Variants in PTPRD observed in about 807,000 individuals in gnomAD.
PTPRD encodes the protein receptor-type tyrosine-protein phosphatase delta.
In PTPRD, 34 loss-of-function variants were observed where a neutral mutation model predicts 214.5. The observed-to-expected ratio is 0.16, with a 90% confidence interval of 0.12 to 0.21. PTPRD has a LOEUF of 0.21. PTPRD is among the 10% of genes least tolerant of loss of function. The pLI, the probability that PTPRD is intolerant of heterozygous loss-of-function variation, is 1.00. For synonymous variants in PTPRD, 1,128 were observed against 845.7 expected (o/e 1.33, Z -5.79); for missense variants, 2,545 against 2,398.7 (o/e 1.06, Z -1.27).
intron 8 of PTPRD, among the ~76,000 whole-genome samples, chr9:9,472,956 T>C (rs2094731105): frequency 6.6e-6 from 1 of 152,202 alleles, no homozygotes; most frequent in Non-Finnish European, 1.5e-5. Flanking sequence ...CTCATATATT[T>C]ATTATTTCTT....
At chr9:8,735,438 T>C (rs771736206) in intron 11 of PTPRD, among the ~76,000 whole-genome samples, 14 of 152,034 alleles carry the variant, frequency 9.2e-5, no homozygotes, top group Admixed American at 2.0e-4. Flanking sequence ...GCCACCACTC[T>C]TGGCCTACCA....
intron 44 of PTPRD, among the ~76,000 whole-genome samples, chr9:8,326,146 C>T (rs1372515060): frequency 2.0e-5 from 3 of 152,204 alleles, no homozygotes; most frequent in Non-Finnish European, 2.9e-5. Context: ...CTCTCTTGTG[C>T]TACTTTTCAA....
chr9:10,452,083 G>C (rs188619433), intron 2 of PTPRD, among the ~76,000 whole-genome samples: 6 of 152,058 alleles, frequency 3.9e-5, no homozygotes, highest in African/African-American at 1.4e-4. Flanking sequence ...AGTAGAAGAA[G>C]CTTCAAGTTC....
chr9:10,113,322 G>T (rs1014960701), intron 3 of PTPRD, among the ~76,000 whole-genome samples: 2 of 152,292 alleles, frequency 1.3e-5, no homozygotes, highest in Non-Finnish European at 2.9e-5. Flanking sequence ...ACAGGGAAGT[G>T]AAGTACCTTT....
At chr9:9,458,097 T>G (rs2093265158) in intron 8 of PTPRD, among the ~76,000 whole-genome samples, 2 of 152,064 alleles carry the variant, frequency 1.3e-5, no homozygotes, top group African/African-American at 4.8e-5. Context: ...TTTAGAATGT[T>G]AAGAAAATAT....
At position 9,527,821 on chromosome 9, in the gene PTPRD, G is replaced by C. The variant is rs570297059; in HGVS notation, c.-237+46911C>G. On this transcript the variant is annotated intron_variant, in intron 8 of 45. Transcript: ENST00000381196. Reference sequence around the variant, plus strand: ...CTGTGTTTGTCCTTTTAGACTTGTTGCTAGATATTCTACCAACTCCGTAAA... The same window carrying C: ...CTGTGTTTGTCCTTTTAGACTTGTTCCTAGATATTCTACCAACTCCGTAAA... Among the ~76,000 whole-genome samples the C allele has an allele frequency of 2.6e-4, 39 of 152,162 alleles. 1 individual carries two copies. In the South Asian group the frequency reaches 8.1e-3, roughly 32 times the overall value.
At chr9:10,576,390 G>A (rs1270916556) in intron 2 of PTPRD, among the ~76,000 whole-genome samples, 1 of 152,070 alleles carries the variant, frequency 6.6e-6, no homozygotes, top group Non-Finnish European at 1.5e-5. Flanking sequence ...AACTCTGAGA[G>A]AGTTTAATAT....
chr9:9,897,094 A>T (rs1601372698), intron 5 of PTPRD, among the ~76,000 whole-genome samples: 1 of 149,912 alleles, frequency 6.7e-6, no homozygotes, highest in Non-Finnish European at 1.5e-5. Flanking sequence ...GGAAGTAAAC[A>T]CTTCCCTGTC....
chr9:9,905,057 C>G (rs534528730), intron 5 of PTPRD, among the ~76,000 whole-genome samples: 2 of 152,120 alleles, frequency 1.3e-5, no homozygotes, highest in South Asian at 2.1e-4. Flanking sequence ...TCATTGTGAT[C>G]TACTCAGTAG....
At chr9:10,121,589 A>C (rs2098775850) in intron 3 of PTPRD, among the ~76,000 whole-genome samples, 1 of 152,202 alleles carries the variant, frequency 6.6e-6, no homozygotes, top group Admixed American at 6.5e-5. Context: ...CATCGTTAAG[A>C]GTTAAGTCTA....
intron 4 of PTPRD, among the ~76,000 whole-genome samples, chr9:10,019,246 A>G (rs566830135): frequency 1.3e-5 from 2 of 152,344 alleles, no homozygotes; most frequent in South Asian, 2.1e-4. Flanking sequence ...CACATCAGTT[A>G]GAATGGCGAT....
chr9:9,344,545 A>C (rs1435863287), intron 9 of PTPRD, among the ~76,000 whole-genome samples: 1 of 151,748 alleles, frequency 6.6e-6, no homozygotes, highest in East Asian at 1.9e-4. Flanking sequence ...TTAATGAATA[A>C]AGTATATATA....
intron 2 of PTPRD, among the ~76,000 whole-genome samples, chr9:10,367,118 T>C (rs549513338): frequency 6.6e-6 from 1 of 151,024 alleles, no homozygotes; most frequent in Non-Finnish European, 1.5e-5. Flanking sequence ...ATATATCCTG[T>C]CCTCTTGATA....
intron 3 of PTPRD, among the ~76,000 whole-genome samples, chr9:10,196,045 G>A (rs758486999): frequency 3.3e-5 from 5 of 152,026 alleles, no homozygotes; most frequent in African/African-American, 7.2e-5. Context: ...AGAACTCTAC[G>A]GGGGATGAAA....
intron 11 of PTPRD, among the ~76,000 whole-genome samples, chr9:8,833,378 G>T (rs2097338344): frequency 6.6e-6 from 1 of 152,030 alleles, no homozygotes; most frequent in Non-Finnish European, 1.5e-5. Context: ...AAATGAGAAA[G>T]AATAGAGTCC....
chr9:9,921,801 A>G lies in PTPRD; in HGVS notation c.-368+16706T>C, dbSNP rs559853608. On this transcript the variant is annotated intron_variant, in intron 5 of 45. Coordinates refer to ENST00000381196, the MANE Select transcript of PTPRD (RefSeq NM_002839.4). ...TAGAAAAGACAATAGTGTAATTGAGAGCAGCTGATATTATGTGTCCCACAC... is the reference window on the plus strand; with the variant it reads ...TAGAAAAGACAATAGTGTAATTGAGGGCAGCTGATATTATGTGTCCCACAC... Among the ~76,000 whole-genome samples, 5 of 152,076 alleles carry G rather than the reference A, an allele frequency of 3.3e-5. No individual in the cohort carries two copies. In the South Asian group the frequency reaches 1.0e-3, roughly 31 times the overall value.
At chr9:10,081,262 C>G (rs1393808849) in intron 3 of PTPRD, among the ~76,000 whole-genome samples, 1 of 151,992 alleles carries the variant, frequency 6.6e-6, no homozygotes, top group Non-Finnish European at 1.5e-5. Context: ...GTTCAAGATT[C>G]TGATACACAT....
chr9:10,247,168 G>A (rs1376255048), intron 3 of PTPRD, among the ~76,000 whole-genome samples: 1 of 152,066 alleles, frequency 6.6e-6, no homozygotes, highest in East Asian at 1.9e-4. Flanking sequence ...AGTCATAATT[G>A]TTAATAGTTC....
chr9:8,836,879 A>C (rs1353919094), intron 11 of PTPRD, among the ~76,000 whole-genome samples: 1 of 151,940 alleles, frequency 6.6e-6, no homozygotes, highest in Non-Finnish European at 1.5e-5. Context: ...TCCTCCCTAG[A>C]AAAGTAAACA....
Sources: gnomAD v4.1 joint callset for allele counts (sites outside exome capture counted in the v4.1 genomes callset) on GRCh38, gnomAD v4.1.1 for gene constraint, MANE v1.5 for transcripts, NCBI Gene and HGNC (gene_info 2026-07-23, HGNC 2026-07-21) for gene names.